PTPRD: variants seen among roughly 807,000 people sequenced by gnomAD.
PTPRD encodes protein tyrosine phosphatase receptor type D.
In PTPRD, 34 loss-of-function variants were observed where a neutral mutation model predicts 214.5. The ratio of observed to expected loss-of-function variants is 0.16; its 90% CI spans 0.12 to 0.21. PTPRD has a LOEUF of 0.21. PTPRD is among the 10% of genes least tolerant of loss of function. The pLI is 1.00. For missense variants in PTPRD, 2,545 were observed against 2,398.7 expected (o/e 1.06, Z -1.27); for synonymous variants, 1,128 against 845.7 (o/e 1.33, Z -5.79).
intron 5 of PTPRD, among the ~76,000 whole-genome samples, chr9:9,918,314 C>G (rs1375640360): frequency 2.7e-5 from 3 of 110,060 alleles, no homozygotes; most frequent in African/African-American, 9.8e-5. Context: ...CTACAAGAAA[C>G]TTATAAAATA....
At chr9:8,722,177 A>G (rs2098507762) in intron 12 of PTPRD, among the ~76,000 whole-genome samples, 1 of 147,184 alleles carries the variant, frequency 6.8e-6, no homozygotes, top group Non-Finnish European at 1.5e-5. Context: ...ACAGAGAGAA[A>G]GAACAGAATG....
At chr9:10,015,819 G>A (rs562528303) in intron 4 of PTPRD, among the ~76,000 whole-genome samples, 2 of 152,228 alleles carry the variant, frequency 1.3e-5, no homozygotes, top group South Asian at 4.2e-4. Context: ...TAGAAACTAA[G>A]CAAGTTTTAT....
intron 8 of PTPRD, among the ~76,000 whole-genome samples, chr9:9,508,444 A>G (rs773929741): frequency 7.9e-5 from 12 of 151,652 alleles, no homozygotes; most frequent in Non-Finnish European, 1.6e-4. Context: ...AGATTTATGT[A>G]TATTTTACAG....
intron 36 of PTPRD, among the ~76,000 whole-genome samples, chr9:8,395,631 A>C (rs930733917): frequency 6.6e-6 from 1 of 150,430 alleles, no homozygotes; most frequent in East Asian, 2.0e-4. Context: ...AAACACATAG[A>C]ATTTTTTTTT....
chr9:10,434,226 C>G (rs1021229769), intron 2 of PTPRD, among the ~76,000 whole-genome samples: 7 of 151,750 alleles, frequency 4.6e-5, no homozygotes, highest in African/African-American at 1.7e-4. Context: ...ATATGCATCA[C>G]TCAGTCTCCC....
At chr9:10,355,746 G>C (rs946619744) in intron 2 of PTPRD, among the ~76,000 whole-genome samples, 1 of 151,948 alleles carries the variant, frequency 6.6e-6, no homozygotes, top group Non-Finnish European at 1.5e-5. Flanking sequence ...CCAAAGCGCT[G>C]GGATTACAGG....
At chr9:10,036,877 A>ATTATTTATTTAT (rs59177466) in intron 3 of PTPRD, among the ~76,000 whole-genome samples, 5 of 107,260 alleles carry the variant, frequency 4.7e-5, no homozygotes, top group East Asian at 5.4e-4. Context: ...CCAAATTTTT[A>ATTATTTATTTAT]TTATTTATTT....
intron 11 of PTPRD, among the ~76,000 whole-genome samples, chr9:8,786,697 G>T (rs1055207953): frequency 2.8e-4 from 43 of 151,052 alleles, no homozygotes; most frequent in African/African-American, 9.7e-4. Flanking sequence ...TTACAGGCAT[G>T]AGCCATCACA....
chr9:8,525,629 C>T (rs557159935), intron 17 of PTPRD, among the ~76,000 whole-genome samples: 5 of 152,102 alleles, frequency 3.3e-5, no homozygotes, highest in South Asian at 2.1e-4. Context: ...CAGTTTTCCA[C>T]GACTTACAAT....
intron 27 of PTPRD, among the ~76,000 whole-genome samples, chr9:8,491,790 T>TGGCAGTGA (rs2097156452): frequency 6.6e-6 from 1 of 152,082 alleles, no homozygotes. Context: ...TAGACAAAGC[T>TGGCAGTGA]GGCAGTGAGC....
At chr9:8,683,559 A>T (rs1447489796) in intron 12 of PTPRD, among the ~76,000 whole-genome samples, 1 of 152,158 alleles carries the variant, frequency 6.6e-6, no homozygotes, top group Non-Finnish European at 1.5e-5. Context: ...AAGGAAAAGG[A>T]GGAAGAAATA....
At chr9:8,332,801 A>G (rs556498492) in intron 43 of PTPRD, among the ~76,000 whole-genome samples, 8 of 152,182 alleles carry the variant, frequency 5.3e-5, no homozygotes. Context: ...CCAAGCTTAG[A>G]GAGACCGATC....
intron 7 of PTPRD, among the ~76,000 whole-genome samples, chr9:9,620,946 C>A (rs1417306519): frequency 1.3e-5 from 2 of 151,836 alleles, no homozygotes; most frequent in Non-Finnish European, 2.9e-5. Context: ...GCCTTTATTG[C>A]AAGCCAGTCA....
chr9:10,075,102 A>G (rs1002229772), intron 3 of PTPRD, among the ~76,000 whole-genome samples: 1 of 152,138 alleles, frequency 6.6e-6, no homozygotes, highest in African/African-American at 2.4e-5. Context: ...TGGGCATCAC[A>G]TGAAGATTTT....
intron 3 of PTPRD, among the ~76,000 whole-genome samples, chr9:10,050,660 G>T (rs1444457048): frequency 7.0e-6 from 1 of 143,348 alleles, no homozygotes. Flanking sequence ...TTAAGGAAAT[G>T]TTCAAAATAT....
chr9:10,108,870 G>GT (rs373928700), intron 3 of PTPRD, among the ~76,000 whole-genome samples: 3,919 of 146,268 alleles, frequency 0.027, 156 homozygotes, highest in African/African-American at 0.088. Flanking sequence ...CGTAAAGAGG[G>GT]TTTTTTTTTT....
chr9:9,403,594 T>A (rs2071891413), intron 8 of PTPRD, among the ~76,000 whole-genome samples: 1 of 152,148 alleles, frequency 6.6e-6, no homozygotes, highest in Non-Finnish European at 1.5e-5. Flanking sequence ...ATGTGATAAA[T>A]CCAGTGAATA....
intron 11 of PTPRD, among the ~76,000 whole-genome samples, chr9:8,931,387 A>G (rs1156262333): frequency 6.6e-6 from 1 of 152,124 alleles, no homozygotes; most frequent in East Asian, 1.9e-4. Flanking sequence ...GTTTGAAGTC[A>G]GGTAGCGGGA....
In PTPRD at chr9:8,749,000, T is replaced by A. The variant is rs551508331; in HGVS notation, c.-103-15054A>T. On this transcript the variant is annotated intron_variant, in intron 11 of 45. Transcript: ENST00000381196. ...AATTTAGTGCTTATTTCAACACACA[T>A]GTGAAAATATGTATTTATATATTAT... 4.4e-5 allele frequency among the ~76,000 whole-genome samples: 6 copies of A among 135,988 alleles called. No individual in the cohort carries two copies. In the South Asian group the frequency reaches 1.3e-3, roughly 30 times the overall value. The allele number at this position is 135,988 out of a possible 152,430, so 89.2% of individuals were successfully genotyped here.
Sources: allele counts gnomAD v4.1 joint callset (sites outside exome capture counted in the v4.1 genomes callset), GRCh38; gene constraint gnomAD v4.1.1; transcripts MANE v1.5; gene names NCBI Gene and HGNC (gene_info 2026-07-23, HGNC 2026-07-21).